NDUFAF6: variants seen among roughly 807,000 people sequenced by gnomAD.
NDUFAF6 encodes NADH:ubiquinone oxidoreductase complex assembly factor 6.
NDUFAF6 carries 45 observed loss-of-function variants against 40.8 expected under a neutral mutation model. That is an observed-to-expected ratio of 1.10 (90% CI 0.87 to 1.42). The LOEUF (loss-of-function observed/expected upper bound fraction) is 1.42. Ranked by LOEUF, NDUFAF6 falls within the 40% of genes most tolerant of loss-of-function variation. NDUFAF6 has a pLI of 0.00. For synonymous variants in NDUFAF6, 185 were observed against 155.9 expected (o/e 1.19, Z -1.39); for missense variants, 435 against 418.5 (o/e 1.04, Z -0.34).
chr8:95,014,136 A>T (rs1827342481), intron 2 of NDUFAF6, among the ~76,000 whole-genome samples: 1 of 152,206 alleles, frequency 6.6e-6, no homozygotes, highest in Non-Finnish European at 1.5e-5. Flanking sequence ...CGCTACCAGA[A>T]CTGTGAGACA....
intron 2 of NDUFAF6, 80 bp from the exon 3 acceptor site, chr8:95,035,374 C>A: frequency 6.7e-7 from 1 of 1,482,792 alleles, no homozygotes; most frequent in Non-Finnish European, 9.4e-7. Flanking sequence ...GTTACATTAA[C>A]TCAAAAAATT....
At chr8:95,059,423 A>C (rs573273539), downstream of NDUFAF6, among the ~76,000 whole-genome samples, 1 of 152,324 alleles carries the variant, frequency 6.6e-6, no homozygotes, top group South Asian at 2.1e-4. Context: ...ATTAATAAAT[A>C]TATAGTTGAA....
rs566038479 is a variant in NDUFAF6 at position 94,960,472 on chromosome 8, T to C, written c.-199+2293T>C. On this transcript the variant is annotated intron_variant, in intron 1 of 9. Coordinates refer to the NDUFAF6 transcript ENST00000396111. ...CCGGTGGAAACTGCTCCATGTCTGT[T>C]ATATGGGTGGCTGTTGTGGAACTAA... is the stretch of plus-strand genomic sequence containing the variant. Among the ~76,000 whole-genome samples, 4 of 152,302 alleles carry C rather than the reference T, an allele frequency of 2.6e-5. No individual in the cohort carries two copies. The South Asian group carries it at 8.3e-4, about 32-fold the overall frequency.
intron 1 of NDUFAF6, among the ~76,000 whole-genome samples, chr8:94,963,305 T>C (rs1481967647): frequency 1.3e-5 from 2 of 152,128 alleles, no homozygotes; most frequent in Non-Finnish European, 2.9e-5. Context: ...TTGTGCTAAG[T>C]GAATGAAGCA....
At chr8:94,912,765 A>T (rs1324427887) in intron 1 of NDUFAF6, among the ~76,000 whole-genome samples, 1 of 151,428 alleles carries the variant, frequency 6.6e-6, no homozygotes, top group Admixed American at 6.6e-5. Flanking sequence ...GTGAGCCGAG[A>T]TCATGCCACT....
At chr8:95,034,352 G>C (rs1829227638) in intron 2 of NDUFAF6, among the ~76,000 whole-genome samples, 1 of 152,032 alleles carries the variant, frequency 6.6e-6, no homozygotes, top group Non-Finnish European at 1.5e-5. Context: ...ACTTAACATT[G>C]ATGCAGTACT....
intron 3 of NDUFAF6, among the ~76,000 whole-genome samples, chr8:95,040,149 G>A (rs1273279121): frequency 6.6e-6 from 1 of 152,004 alleles, no homozygotes; most frequent in Non-Finnish European, 1.5e-5. Context: ...TTTATGACAT[G>A]TATATTTTTG....
intron 1 of NDUFAF6, among the ~76,000 whole-genome samples, chr8:94,938,286 T>C (rs1031291841): frequency 3.3e-4 from 50 of 152,342 alleles, no homozygotes; most frequent in African/African-American, 1.1e-3. Flanking sequence ...TGAATGGGAT[T>C]CTGGTGTTGT....
intron 2 of NDUFAF6, among the ~76,000 whole-genome samples, chr8:95,095,326 A>T (rs1182939154): frequency 6.6e-6 from 1 of 152,144 alleles, no homozygotes; most frequent in Non-Finnish European, 1.5e-5. Flanking sequence ...TAGTCACCTT[A>T]GTACTGCTGG....
chr8:95,049,792 T>G (rs139295941), intron 7 of NDUFAF6, among the ~76,000 whole-genome samples: 1 of 152,324 alleles, frequency 6.6e-6, no homozygotes, highest in African/African-American at 2.4e-5. Flanking sequence ...GGCTTAGTGC[T>G]TTTCACTACC....
chr8:95,008,118 C>G (rs1187690751), intron 2 of NDUFAF6, among the ~76,000 whole-genome samples: 1 of 152,180 alleles, frequency 6.6e-6, no homozygotes, highest in African/African-American at 2.4e-5. Flanking sequence ...TGTTAAAAGC[C>G]TAAATCCTAA....
intron 4 of NDUFAF6, among the ~76,000 whole-genome samples, chr8:95,042,713 G>A (rs1433846793): frequency 5.9e-5 from 9 of 152,174 alleles, no homozygotes; most frequent in Admixed American, 5.9e-4. Context: ...CAAAGTTAGA[G>A]GGCTCACATT....
At chr8:95,082,633 T>C (rs1333088843) in intron 2 of NDUFAF6, among the ~76,000 whole-genome samples, 3 of 134,800 alleles carry the variant, frequency 2.2e-5, no homozygotes, top group Admixed American at 2.1e-4. Context: ...AGCATTCTTT[T>C]TGTTTGTTTG....
chr8:94,930,415 A>G (rs542484737), intron 1 of NDUFAF6: 4 of 1,596,726 alleles, frequency 2.5e-6, no homozygotes, highest in Middle Eastern at 1.7e-4. Context: ...TTCACTGTAC[A>G]TATACACACA....
intron 2 of NDUFAF6, among the ~76,000 whole-genome samples, chr8:95,006,002 C>G (rs1476415458): frequency 6.6e-6 from 1 of 152,050 alleles, no homozygotes; most frequent in African/African-American, 2.4e-5. Context: ...ATTAATTTTC[C>G]CTTCTAACTC....
chr8:95,033,619 A>G (rs1462290349), intron 2 of NDUFAF6, among the ~76,000 whole-genome samples: 1 of 152,200 alleles, frequency 6.6e-6, no homozygotes, highest in Non-Finnish European at 1.5e-5. Flanking sequence ...ATAAAGCAGG[A>G]TAAGGAGGCT....
intron 4 of NDUFAF6, 92 bp from the exon 5 acceptor site, chr8:95,045,453 C>G (rs888513539): frequency 1.2e-6 from 1 of 812,578 alleles, no homozygotes; most frequent in South Asian, 1.4e-5. Context: ...TATTTTTATT[C>G]GTTATTCAGT....
At chr8:94,977,005 G>T (rs912819360) in intron 1 of NDUFAF6, among the ~76,000 whole-genome samples, 4 of 151,882 alleles carry the variant, frequency 2.6e-5, no homozygotes, top group Non-Finnish European at 1.5e-5. Context: ...ACAAAAATTA[G>T]CCAAGCGTGG....
chr8:94,935,123 A>G (rs199976540), intron 1 of NDUFAF6, among the ~76,000 whole-genome samples: 3 of 123,248 alleles, frequency 2.4e-5, no homozygotes, highest in Non-Finnish European at 3.3e-5. Context: ...ACATAGGTAG[A>G]TAGATATAGA....
Sources: allele counts gnomAD v4.1 joint callset (sites outside exome capture counted in the v4.1 genomes callset), GRCh38; gene constraint gnomAD v4.1.1; transcripts MANE v1.5; gene names NCBI Gene and HGNC (gene_info 2026-07-23, HGNC 2026-07-21).